Variants in MYCBP2 observed in about 807,000 individuals in gnomAD.
MYCBP2 encodes E3 ubiquitin-protein ligase MYCBP2.
Under a neutral mutation model 525.3 loss-of-function variants are expected in MYCBP2, and 120 were observed. The observed-to-expected ratio is 0.23, with a 90% CI of 0.20 to 0.27. MYCBP2 has a LOEUF of 0.27. Among genes scored for constraint, MYCBP2 ranks in the 10% least tolerant of loss-of-function variants. The probability of loss-of-function intolerance (pLI) is 1.00; values close to 1 mark genes in which losing one functional copy is unlikely to be tolerated. For synonymous variants in MYCBP2, 1,894 were observed against 1,955.8 expected, an observed-to-expected ratio of 0.97 and a Z score of 0.83; for missense variants, 4,149 against 5,657.1, an observed-to-expected ratio of 0.73 and a Z score of 8.55.
chr13:77,228,176 C>G (rs9600839), intron 18 of MYCBP2, among the ~76,000 whole-genome samples: 10,592 of 151,940 alleles, frequency 0.07, 576 homozygotes, highest in African/African-American at 0.14. Flanking sequence ...AAAATTTAGT[C>G]CAAATTCAAG....
chr13:77,219,553 C>T (rs1340759860), intron 20 of MYCBP2, among the ~76,000 whole-genome samples: 1 of 151,302 alleles, frequency 6.6e-6, no homozygotes, highest in Non-Finnish European at 1.5e-5. Context: ...AGACAGGAAA[C>T]AGAAATAGAT....
intron 21 of MYCBP2, among the ~76,000 whole-genome samples, chr13:77,217,373 C>G (rs952576124): frequency 6.6e-6 from 1 of 151,838 alleles, no homozygotes; most frequent in Admixed American, 6.6e-5. Context: ...GCACAAGCGC[C>G]TATGTAACAG....
In MYCBP2 at chr13:77,284,927, T is replaced by G. The variant is rs545971002; in HGVS notation, c.594+3234A>C. On this transcript the variant is annotated intron_variant, in intron 3 of 82. Coordinates refer to ENST00000544440, the MANE Select transcript of MYCBP2 (RefSeq NM_015057.5). ...GTCACATAGCTAGTAATTTTAATGG[T>G]GTTTGAACCCCAGCAGTTTGGCTCC... 2.6e-5 allele frequency among the ~76,000 whole-genome samples: 4 copies of G among 152,330 alleles called. 1 individual carries two copies. In the South Asian group the frequency reaches 8.3e-4, roughly 32 times the overall value.
At chr13:77,170,090 G>GT (rs1251608601) in intron 38 of MYCBP2, among the ~76,000 whole-genome samples, 2 of 152,168 alleles carry the variant, frequency 1.3e-5, no homozygotes, top group Non-Finnish European at 1.5e-5. Context: ...AAACATGGCT[G>GT]TATCAGTGAC....
At chr13:77,319,260 C>T (rs1245805798) in intron 1 of MYCBP2, among the ~76,000 whole-genome samples, 3 of 152,140 alleles carry the variant, frequency 2.0e-5, no homozygotes, top group African/African-American at 7.2e-5. Context: ...AGGGACAGCA[C>T]AGTCTGCAAG....
chr13:77,318,148 A>G (rs1020576104), intron 1 of MYCBP2, among the ~76,000 whole-genome samples: 1 of 152,156 alleles, frequency 6.6e-6, no homozygotes, highest in African/African-American at 2.4e-5. Flanking sequence ...AAAATGAATC[A>G]TGGTCCTTTC....
chr13:77,279,590 G>A (rs2075981307), intron 3 of MYCBP2, among the ~76,000 whole-genome samples: 1 of 152,156 alleles, frequency 6.6e-6, no homozygotes, highest in Admixed American at 6.6e-5. Context: ...AAATTGTTTG[G>A]AGAAGTAACA....
chr13:77,115,885 A>G (rs575348838), intron 55 of MYCBP2, among the ~76,000 whole-genome samples: 35 of 151,862 alleles, frequency 2.3e-4, no homozygotes, highest in African/African-American at 7.9e-4. Flanking sequence ...AAAATAATCA[A>G]TCTGAACAAA....
rs764344729 is a variant in MYCBP2, at chr13:77,050,970, C to T, written c.13921+27G>A. 9.5e-6 allele frequency: 15 copies of T among 1,571,840 alleles called. No individual in the cohort carries two copies. In the Admixed American group the frequency reaches 2.1e-4, roughly 22 times the overall value. On this transcript the variant is annotated intron_variant, in intron 82 of 82. Transcript: ENST00000544440. ...AAAACTATGGTATATAGATCATAAT[C>T]GTGATTTTAAAATATTAAAAGCATA...
intron 55 of MYCBP2, among the ~76,000 whole-genome samples, chr13:77,102,801 T>G (rs746753851): frequency 4.6e-5 from 7 of 151,832 alleles, no homozygotes; most frequent in Non-Finnish European, 7.4e-5. Context: ...AATAGTAAAA[T>G]GATTTTTATA....
At position 77,270,545 on chromosome 13, in the gene MYCBP2, A is replaced by C. The variant is rs1223525215; in HGVS notation, c.946-7T>G. 6.3e-7 allele frequency: 1 copy of C among 1,580,092 alleles called. No homozygotes were observed. Among genetic ancestry groups the C allele is most frequent in the East Asian group, 2.3e-5 (1 of 44,418 alleles). On this transcript the variant is annotated splice_region_variant and splice_polypyrimidine_tract_variant and intron_variant, in intron 5 of 82. Transcript: ENST00000544440. ...AATTTAGAATTGTTGGCACCTAATCAAAAGAGAAGAAAAATAATGAAAAAA... is the reference window on the plus strand; with the variant it reads ...AATTTAGAATTGTTGGCACCTAATCCAAAGAGAAGAAAAATAATGAAAAAA...
chr13:77,179,561 A>C (rs2060019995), intron 34 of MYCBP2, among the ~76,000 whole-genome samples: 1 of 152,274 alleles, frequency 6.6e-6, no homozygotes. Context: ...TAAGTACAAC[A>C]AAGTGAATGC....
At chr13:77,096,507 T>C (rs1479433952) in intron 56 of MYCBP2, 26 bp from the exon 57 acceptor site, 1 of 1,611,264 alleles carries the variant, frequency 6.2e-7, no homozygotes, top group Non-Finnish European at 8.5e-7. Flanking sequence ...AAAATAAATA[T>C]TTAACACTCC....
At chr13:77,159,160 A>C (rs902253806) in intron 44 of MYCBP2, among the ~76,000 whole-genome samples, 1 of 152,200 alleles carries the variant, frequency 6.6e-6, no homozygotes, top group Non-Finnish European at 1.5e-5. Flanking sequence ...GCTTTGGACA[A>C]ATTATTTGCT....
intron 18 of MYCBP2, among the ~76,000 whole-genome samples, chr13:77,226,628 T>C (rs1157947894): frequency 2.6e-5 from 4 of 152,356 alleles, no homozygotes; most frequent in South Asian, 2.1e-4. Context: ...TGTATTTTCA[T>C]TGTGCATTTT....
At position 77,081,782 on chromosome 13, in the gene MYCBP2, C is replaced by T; in HGVS notation, c.11193+55G>A. On this transcript the variant is annotated intron_variant, in intron 64 of 82. Coordinates refer to ENST00000544440, the MANE Select transcript of MYCBP2 (RefSeq NM_015057.5). The surrounding 1 kb of genome is among the most constrained non-coding windows in gnomAD (Gnocchi z 4.6). ...GATTATGAATAACTTACAGTTTCTC[C>T]TTTGATGTATTATTAACTAACAGGA... 1 of 1,569,162 alleles carries T rather than the reference C, an allele frequency of 6.4e-7. No homozygotes were observed. The highest frequency in any genetic ancestry group is 8.6e-7 in the Non-Finnish European group (1 of 1,157,000).
At chr13:77,222,113 C>T (rs2065672947) in intron 20 of MYCBP2, among the ~76,000 whole-genome samples, 1 of 152,152 alleles carries the variant, frequency 6.6e-6, no homozygotes, top group Non-Finnish European at 1.5e-5. Context: ...AGATGCAGAA[C>T]CCACAGGTAC....
intron 4 of MYCBP2, among the ~76,000 whole-genome samples, chr13:77,276,812 C>G (rs2075651342): frequency 7.8e-6 from 1 of 128,850 alleles, no homozygotes; most frequent in Non-Finnish European, 1.5e-5. Flanking sequence ...CATTTCCATG[C>G]CCAGTTTTTT....
intron 26 of MYCBP2, among the ~76,000 whole-genome samples, chr13:77,201,862 CATACCAGA>C (rs2062624305): frequency 6.6e-6 from 1 of 151,996 alleles, no homozygotes; most frequent in South Asian, 2.1e-4. Context: ...AAAGACGCAA[CATACCAGA>C]ATCTCTGGGA....
Sources: gnomAD v4.1 joint callset for allele counts (sites outside exome capture counted in the v4.1 genomes callset) on GRCh38, gnomAD v4.1.1 for gene constraint, Gnocchi (gnomAD v3.1) non-coding constraint, MANE v1.5 for transcripts, NCBI Gene and HGNC (gene_info 2026-07-23, HGNC 2026-07-21) for gene names.